CD38: variants seen among roughly 807,000 people sequenced by gnomAD.
The protein encoded by CD38 is ADP-ribosyl cyclase/cyclic ADP-ribose hydrolase 1.
A neutral mutation model predicts 36.3 loss-of-function variants in CD38; 31 were observed. That is an observed-to-expected ratio of 0.85 (90% confidence interval 0.64 to 1.15). The LOEUF (loss-of-function observed/expected upper bound fraction) is 1.15, where lower values mean the gene tolerates loss of function less well. CD38 is among the 50% of genes most tolerant of loss of function. The pLI, the probability that CD38 is intolerant of heterozygous loss-of-function variation, is 0.00. For missense variants in CD38, 380 were observed against 371.9 expected (o/e 1.02, Z -0.18); for synonymous variants, 131 against 135.2 (o/e 0.97, Z 0.22).
chr4:15,816,929 A>G (rs1054555505), intron 2 of CD38, among the ~76,000 whole-genome samples: 1 of 152,232 alleles, frequency 6.6e-6, no homozygotes, highest in Admixed American at 6.5e-5. Context: ...CAACTCGAAC[A>G]AACAAATTAA....
Position 15,837,673 on chromosome 4 carries a change from G to T in CD38, c.586-419G>T, listed in dbSNP as rs1042065265. ...TAAGGGTCCCCTGTTCTCTCCTCAGGTTCCCCTCTTATGGTGTTCCCATTT... is the reference window on the plus strand; with the variant it reads ...TAAGGGTCCCCTGTTCTCTCCTCAGTTTCCCCTCTTATGGTGTTCCCATTT... On this transcript the variant is annotated intron_variant, in intron 4 of 7. Coordinates refer to ENST00000226279, the MANE Select transcript of CD38 (RefSeq NM_001775.4). 3.9e-5 allele frequency among the ~76,000 whole-genome samples: 6 copies of T among 151,934 alleles called. 1 individual carries two copies. In the South Asian group the frequency reaches 6.2e-4, roughly 16 times the overall value.
chr4:15,786,946 A>G (rs1394730476), intron 1 of CD38, among the ~76,000 whole-genome samples: 2 of 152,162 alleles, frequency 1.3e-5, no homozygotes, highest in African/African-American at 4.8e-5. Flanking sequence ...CTGCTGGGGG[A>G]CTTGGCACAC....
At chr4:15,801,902 C>T (rs1723231833) in intron 1 of CD38, among the ~76,000 whole-genome samples, 2 of 152,084 alleles carry the variant, frequency 1.3e-5, no homozygotes, top group African/African-American at 2.4e-5. Context: ...AGGATGCTTA[C>T]CCTCACTACT....
chr4:15,787,577 G>A (rs546984504), intron 1 of CD38, among the ~76,000 whole-genome samples: 93 of 152,322 alleles, frequency 6.1e-4, no homozygotes, highest in Admixed American at 1.7e-3. Flanking sequence ...AGGGAGTCAC[G>A]ACGCCTTGTC....
At chr4:15,781,709 C>T (rs993885114) in intron 1 of CD38, among the ~76,000 whole-genome samples, 1 of 152,230 alleles carries the variant, frequency 6.6e-6, no homozygotes, top group African/African-American at 2.4e-5. Context: ...CTTCACATCA[C>T]AACTAGATGT....
chr4:15,804,941 A>G (rs1005532979), intron 1 of CD38, among the ~76,000 whole-genome samples: 2 of 152,210 alleles, frequency 1.3e-5, no homozygotes, highest in Admixed American at 1.3e-4. Flanking sequence ...GCACAAAGAA[A>G]TGATAAACCT....
Position 15,848,647 on chromosome 4 carries a change from A to T in CD38, c.*45A>T, listed in dbSNP as rs776072019. On this transcript the variant is annotated 3_prime_UTR_variant, in exon 8 of 8. Transcript: ENST00000226279. ...TTAGCTCCTTGACTCCTTGTGGTTT[A>T]TGTCATCATACATGACTCAGCATAC... The T allele has an allele frequency of 8.6e-6, 13 of 1,502,998 alleles. No individual in the cohort carries two copies. In the Admixed American group the frequency reaches 1.8e-4, roughly 21 times the overall value. The allele number at this position is 1,502,998 out of a possible 1,614,324, so 93.1% of individuals were successfully genotyped here.
At chr4:15,804,055 C>G (rs981084771) in intron 1 of CD38, among the ~76,000 whole-genome samples, 2 of 152,146 alleles carry the variant, frequency 1.3e-5, no homozygotes, top group Non-Finnish European at 2.9e-5. Flanking sequence ...TCCAATCTGC[C>G]ATTATTGGGC....
intron 4 of CD38, among the ~76,000 whole-genome samples, chr4:15,836,055 T>C (rs1211131576): frequency 6.6e-6 from 1 of 152,204 alleles, no homozygotes. Context: ...AAATTAAACT[T>C]AGACATCTGA....
intron 3 of CD38, 87 bp downstream of exon 3, chr4:15,825,103 G>GCTCTGTCCTCCACACTA: frequency 1.4e-6 from 2 of 1,400,160 alleles, no homozygotes; most frequent in Non-Finnish European, 2.0e-6. Context: ...GATTAGTGTG[G>GCTCTGTCCTCCACACTA]AGGACAGAGC....
intron 1 of CD38, among the ~76,000 whole-genome samples, chr4:15,785,055 T>TAA (rs11373711): frequency 0.015 from 2,274 of 147,222 alleles, 55 homozygotes; most frequent in African/African-American, 0.052. Context: ...GACTCTGTCT[T>TAA]AAAAAAAAAA....
chr4:15,779,448 G>A (rs1302831896), intron 1 of CD38, among the ~76,000 whole-genome samples: 1 of 152,122 alleles, frequency 6.6e-6, no homozygotes, highest in Admixed American at 6.5e-5. Context: ...TGATTCCCAG[G>A]CCTCGCTTTC....
intron 7 of CD38, 36 bp downstream of exon 7, chr4:15,840,574 C>T (rs1724183933): frequency 1.7e-6 from 2 of 1,210,778 alleles, no homozygotes; most frequent in East Asian, 4.7e-5. Flanking sequence ...AAATGACTGT[C>T]TTGTCACCTG....
intron 1 of CD38, among the ~76,000 whole-genome samples, chr4:15,812,419 C>G (rs770828428): frequency 6.6e-6 from 1 of 152,148 alleles, no homozygotes; most frequent in Non-Finnish European, 1.5e-5. Flanking sequence ...GTCTTCTGGC[C>G]GGGCACGGTG....
chr4:15,814,118 C>A (rs1350352935), intron 1 of CD38, among the ~76,000 whole-genome samples: 1 of 152,168 alleles, frequency 6.6e-6, no homozygotes, highest in East Asian at 1.9e-4. Flanking sequence ...CTGTTGTTTC[C>A]TGACTTTTTA....
Position 15,840,451 on chromosome 4 carries a change from G to A in CD38, c.753-1G>A. 1 of 1,577,424 alleles carries A rather than the reference G, an allele frequency of 6.3e-7. No homozygotes were observed. The highest frequency in any genetic ancestry group is 8.7e-7 in the Non-Finnish European group (1 of 1,153,510). On this transcript the variant is annotated splice_acceptor_variant, in intron 6 of 7. Coordinates refer to ENST00000226279, the MANE Select transcript of CD38 (RefSeq NM_001775.4). LOFTEE classifies it high-confidence loss of function. ...TTAATACTTTCTTCTTTCTTCCCCA[G>A]AGACTTATGCCAGGATCCCACCATA... is the stretch of plus-strand genomic sequence containing the variant.
chr4:15,798,110 G>A lies in CD38; in HGVS notation c.234-18401G>A, dbSNP rs555609459. Among the ~76,000 whole-genome samples, 378 of 152,284 alleles carry A rather than the reference G, an allele frequency of 2.5e-3. 1 individual carries two copies. Among genetic ancestry groups the A allele is most frequent in the Non-Finnish European group, 4.4e-3 (298 of 68,014 alleles). The stretch of plus-strand genomic sequence containing the variant: ...GAGTTCTGACTGTGTTGCCCAGGCT[G>A]GTCTCAAAATCCTGGCCTCAAGCAA... On this transcript the variant is annotated intron_variant, in intron 1 of 7. Coordinates refer to ENST00000226279, the MANE Select transcript of CD38 (RefSeq NM_001775.4).
At chr4:15,810,097 T>G (rs1336004765) in intron 1 of CD38, among the ~76,000 whole-genome samples, 1 of 152,248 alleles carries the variant, frequency 6.6e-6, no homozygotes. Flanking sequence ...TTACAAACTC[T>G]TCCTAGGTCT....
At position 15,778,339 on chromosome 4, in the gene CD38, A is replaced by C. The variant is rs981986172; in HGVS notation, c.-76A>C. On this transcript the variant is annotated 5_prime_UTR_variant, in exon 1 of 8. Transcript: ENST00000226279. This position sits in a 1 kb window ranked among gnomAD's most constrained non-coding sequence, Gnocchi z 4.9. The stretch of plus-strand genomic sequence containing the variant: ...ACAGAAGGGGAGGTGCAGTTTCAGA[A>C]CCCAGCCAGCCTCTCTCTTGCTGCC... The C allele has an allele frequency of 2.1e-6, 2 of 964,328 alleles. No individual in the cohort carries two copies. The highest frequency in any genetic ancestry group is 3.3e-6 in the Non-Finnish European group (2 of 607,538). The allele number at this position is 964,328 out of a possible 1,614,324, so 59.7% of individuals were successfully genotyped here.
Sources: allele counts gnomAD v4.1 joint callset (sites outside exome capture counted in the v4.1 genomes callset), GRCh38; gene constraint gnomAD v4.1.1; non-coding constraint Gnocchi (gnomAD v3.1); transcripts MANE v1.5; gene names NCBI Gene and HGNC (gene_info 2026-07-23, HGNC 2026-07-21).